The following FSTL4 variants were observed in gnomAD, a reference collection of about 807,000 sequenced individuals.
FSTL4 encodes the protein follistatin like 4, also known as follistatin-related protein 4.
A neutral mutation model predicts 78.2 loss-of-function variants in FSTL4; 28 were observed. That is an observed-to-expected ratio of 0.36 (90% CI 0.27 to 0.49). FSTL4 has a LOEUF of 0.49. Among genes scored for constraint, FSTL4 ranks in the 20% least tolerant of loss-of-function variants. FSTL4 has a pLI of 0.98. For synonymous variants in FSTL4, 422 were observed against 440.5 expected (o/e 0.96, Z 0.53); for missense variants, 922 against 1,084.9 (o/e 0.85, Z 2.11).
intron 3 of FSTL4, among the ~76,000 whole-genome samples, chr5:133,470,692 C>A (rs1277452375): frequency 1.3e-5 from 2 of 150,556 alleles, no homozygotes; most frequent in Admixed American, 6.6e-5. Context: ...TTGCAGTGAG[C>A]CAAGATTGCA....
intron 6 of FSTL4, among the ~76,000 whole-genome samples, chr5:133,284,357 A>C (rs956114530): frequency 2.0e-5 from 3 of 152,254 alleles, no homozygotes; most frequent in Admixed American, 1.3e-4. Context: ...CAAGTCATTA[A>C]AAACACTATC....
intron 7 of FSTL4, among the ~76,000 whole-genome samples, chr5:133,245,652 G>T (rs141034323): frequency 8.0e-4 from 122 of 152,308 alleles, no homozygotes; most frequent in Admixed American, 3.3e-3. Flanking sequence ...CTGGTACGGA[G>T]CTTGTGACTC....
At chr5:133,404,579 C>T (rs1756311335) in intron 3 of FSTL4, among the ~76,000 whole-genome samples, 2 of 152,052 alleles carry the variant, frequency 1.3e-5, no homozygotes, top group Admixed American at 1.3e-4. Context: ...TCTATTGGTA[C>T]CAGTTGGTGC....
At chr5:133,625,872 CATAT>C in the FSTL4 span, among the ~76,000 whole-genome samples, 13 of 296 alleles carry the variant, frequency 0.044, no homozygotes, top group African/African-American at 0.087. Context: ...ATATATATTC[CATAT>C]ATATATATAT....
the FSTL4 span, among the ~76,000 whole-genome samples, chr5:133,777,035 A>C: frequency 1.1e-3 from 160 of 152,278 alleles, 2 homozygotes; most frequent in Non-Finnish European, 3.8e-4. Context: ...ACACACGTGC[A>C]CATGAACTCA....
At chr5:133,226,017 A>C in intron 8 of FSTL4, 198 bp from the exon 9 acceptor site, 1 of 420,346 alleles carries the variant, frequency 2.4e-6, no homozygotes, top group Non-Finnish European at 4.2e-6. Context: ...TGCAGATAAT[A>C]AACATGTCAG....
intron 4 of FSTL4, among the ~76,000 whole-genome samples, chr5:133,333,088 G>T (rs1754385348): frequency 6.6e-6 from 1 of 152,164 alleles, no homozygotes; most frequent in South Asian, 2.1e-4. Context: ...CTGTGGATCT[G>T]GGTGTGCATC....
At chr5:133,819,730 A>G in the FSTL4 span, among the ~76,000 whole-genome samples, 1 of 152,240 alleles carries the variant, frequency 6.6e-6, no homozygotes, top group Non-Finnish European at 1.5e-5. Flanking sequence ...TTTAAAGAAG[A>G]AAAGGAATAG....
At chr5:133,490,060 C>T (rs960588205) in intron 3 of FSTL4, among the ~76,000 whole-genome samples, 1 of 152,148 alleles carries the variant, frequency 6.6e-6, no homozygotes, top group African/African-American at 2.4e-5. Flanking sequence ...CAGTTTCTTG[C>T]CTTTATAAAC....
chr5:133,764,292 G>T, the FSTL4 span, among the ~76,000 whole-genome samples: 1 of 152,100 alleles, frequency 6.6e-6, no homozygotes, highest in African/African-American at 2.4e-5. Flanking sequence ...AGGGCTCTGG[G>T]ATCAGAGCAG....
At chr5:133,813,710 AATAATGGGCACCAGCCCTTCCC>A in the FSTL4 span, among the ~76,000 whole-genome samples, 1 of 152,186 alleles carries the variant, frequency 6.6e-6, no homozygotes, top group Non-Finnish European at 1.5e-5. Flanking sequence ...TGCATGTGTA[AATAATGGGCACCAGCCCTTCCC>A]TGCCAAAAAA....
At chr5:133,200,680 C>T (rs1337806973) in intron 15 of FSTL4, among the ~76,000 whole-genome samples, 2 of 152,184 alleles carry the variant, frequency 1.3e-5, no homozygotes, top group African/African-American at 4.8e-5. Flanking sequence ...GGCAGGACTT[C>T]CCTTTGATCT....
upstream of FSTL4, among the ~76,000 whole-genome samples, chr5:133,613,537 A>G (rs1356770202): frequency 6.6e-6 from 1 of 152,230 alleles, no homozygotes; most frequent in African/African-American, 2.4e-5. Flanking sequence ...GGCTGACCTG[A>G]AGAAAGAGAT....
the FSTL4 span, among the ~76,000 whole-genome samples, chr5:133,761,828 C>T: frequency 1.3e-5 from 2 of 152,074 alleles, no homozygotes; most frequent in African/African-American, 2.4e-5. Flanking sequence ...GCTACTAGTC[C>T]GCATCACACC....
At chr5:133,347,741 G>C (rs1375633442) in intron 4 of FSTL4, among the ~76,000 whole-genome samples, 4 of 152,182 alleles carry the variant, frequency 2.6e-5, no homozygotes, top group African/African-American at 9.7e-5. Context: ...ATAAGACAAT[G>C]ATTAATAAAA....
chr5:133,515,757 T>C (rs1758840055), intron 3 of FSTL4, among the ~76,000 whole-genome samples: 1 of 151,796 alleles, frequency 6.6e-6, no homozygotes, highest in Non-Finnish European at 1.5e-5. Flanking sequence ...ATTTAGAACA[T>C]AGTATGCACT....
intron 6 of FSTL4, among the ~76,000 whole-genome samples, chr5:133,273,014 G>GC (rs1202478820): frequency 3.9e-5 from 6 of 152,226 alleles, no homozygotes; most frequent in African/African-American, 1.4e-4. Context: ...GACGGATTGG[G>GC]CCATCAAGGG....
chr5:133,786,059 A>C, the FSTL4 span, among the ~76,000 whole-genome samples: 1 of 152,270 alleles, frequency 6.6e-6, no homozygotes, highest in South Asian at 2.1e-4. Flanking sequence ...GTCAAAAGAG[A>C]AAAAACTTCA....
At chr5:133,826,430 T>A in the FSTL4 span, among the ~76,000 whole-genome samples, 1 of 152,178 alleles carries the variant, frequency 6.6e-6, no homozygotes, top group Non-Finnish European at 1.5e-5. Context: ...AAGCCCAGAA[T>A]CCTGCCACAC....
Sources: allele counts gnomAD v4.1 joint callset (sites outside exome capture counted in the v4.1 genomes callset), GRCh38; gene constraint gnomAD v4.1.1; transcripts MANE v1.5; gene names NCBI Gene and HGNC (gene_info 2026-07-23, HGNC 2026-07-21).